RASSF3: variants seen among roughly 807,000 people sequenced by gnomAD.
The protein encoded by RASSF3 is Ras association domain family member 3, also known as ras association domain-containing protein 3.
In RASSF3, 19 loss-of-function variants were observed where a neutral mutation model predicts 19.9. The ratio of observed to expected loss-of-function variants is 0.96; its 90% CI spans 0.67 to 1.40. The LOEUF (loss-of-function observed/expected upper bound fraction) is 1.40. Ranked by LOEUF, RASSF3 falls within the 40% of genes most tolerant of loss-of-function variation. The pLI is 0.00. For synonymous variants in RASSF3, 110 were observed against 104.2 expected, an observed-to-expected ratio of 1.06 and a Z score of -0.34; for missense variants, 306 against 289.8, an observed-to-expected ratio of 1.06 and a Z score of -0.41.
At chr12:64,694,679 C>T in intron 4 of RASSF3, 84 bp from the exon 5 acceptor site, 1 of 1,472,394 alleles carries the variant, frequency 6.8e-7, no homozygotes, top group Non-Finnish European at 9.3e-7. Context: ...AGGGCAGCCG[C>T]ACCTCTGGGA....
intron 2 of RASSF3, among the ~76,000 whole-genome samples, chr12:64,591,687 AT>A (rs1383831998): frequency 6.6e-6 from 1 of 152,072 alleles, no homozygotes; most frequent in Non-Finnish European, 1.5e-5. Context: ...GTGCCTCTAA[AT>A]ATTCAGTAGG....
rs1236502961 is a variant in RASSF3 at position 64,522,490 on chromosome 12, C to G, written c.169+15161C>G. ...TCCTCCCTCCTCCTCCCACTCAGCC[C>G]AGCACGTTCACAAAAGACCACGAAT... On this transcript the variant is annotated intron_variant, in intron 1 of 5. Transcript: ENST00000637125. Among the ~76,000 whole-genome samples, 9 of 152,036 alleles carry G rather than the reference C, an allele frequency of 5.9e-5. No homozygotes were observed. The East Asian group carries it at 1.7e-3, about 29-fold the overall frequency.
intron 1 of RASSF3, among the ~76,000 whole-genome samples, chr12:64,520,799 C>G (rs150173370): frequency 1.2e-3 from 178 of 152,120 alleles, no homozygotes; most frequent in African/African-American, 4.0e-3. Context: ...GGTGTTGGTA[C>G]AGCCCCTGGG....
intron 2 of RASSF3, among the ~76,000 whole-genome samples, chr12:64,600,756 G>T (rs1870078542): frequency 6.6e-6 from 1 of 152,116 alleles, no homozygotes; most frequent in African/African-American, 2.4e-5. Flanking sequence ...TGTGGTTTTA[G>T]AATTTTTTAT....
chr12:64,668,804 T>C (rs1323501323), intron 1 of RASSF3, among the ~76,000 whole-genome samples: 1 of 151,550 alleles, frequency 6.6e-6, no homozygotes, highest in Non-Finnish European at 1.5e-5. Flanking sequence ...GCCTCAGCGT[T>C]GTGAGTAGCT....
At chr12:64,573,247 G>A (rs1241664865) in intron 2 of RASSF3, among the ~76,000 whole-genome samples, 1 of 148,360 alleles carries the variant, frequency 6.7e-6, no homozygotes, top group Non-Finnish European at 1.5e-5. Flanking sequence ...GGAGGTCAAG[G>A]CTGCAGTGAG....
intron 2 of RASSF3, among the ~76,000 whole-genome samples, chr12:64,583,558 G>T (rs1276679757): frequency 6.6e-6 from 1 of 152,180 alleles, no homozygotes; most frequent in Non-Finnish European, 1.5e-5. Context: ...GGAGGCAGAG[G>T]TTATAGTGAG....
chr12:64,620,049 T>C (rs1202035876), intron 1 of RASSF3, among the ~76,000 whole-genome samples: 1 of 151,058 alleles, frequency 6.6e-6, no homozygotes, highest in Non-Finnish European at 1.5e-5. Context: ...GTTTTCTGAA[T>C]TCATTTTTCA....
At chr12:64,565,440 C>A (rs574014314) in intron 2 of RASSF3, among the ~76,000 whole-genome samples, 3 of 150,530 alleles carry the variant, frequency 2.0e-5, no homozygotes, top group African/African-American at 7.3e-5. Flanking sequence ...AGGCCAGGTG[C>A]GGTGGCTCAT....
In RASSF3 at chr12:64,696,083, T is replaced by TTTCC; in HGVS notation, c.*1173_*1176dup. The TTTCC allele has an allele frequency of 3.2e-5, 1 of 30,848 alleles. No homozygotes were observed. The allele number at this position is 30,848 out of a possible 1,614,324, so 1.9% of individuals were successfully genotyped here. ...GCTGTCTCCCACCCTACCTTGTTCT[T>TTTCC]TTCCTCCCTCCCTCCCTCCCTCCCT... On this transcript the variant is annotated 3_prime_UTR_variant, in exon 5 of 5. Coordinates refer to ENST00000542104, the MANE Select transcript of RASSF3 (RefSeq NM_178169.4).
At chr12:64,545,763 C>T (rs1355178321), downstream of RASSF3, among the ~76,000 whole-genome samples, 3 of 151,952 alleles carry the variant, frequency 2.0e-5, no homozygotes, top group East Asian at 1.9e-4. Flanking sequence ...CTCATCTCTA[C>T]AAAAAAATTT....
At chr12:64,630,350 A>G (rs139709350) in intron 1 of RASSF3, among the ~76,000 whole-genome samples, 36 of 152,182 alleles carry the variant, frequency 2.4e-4, no homozygotes, top group Middle Eastern at 3.4e-3. Context: ...ACAGAGCGAG[A>G]CATTGTCTTT....
intron 1 of RASSF3, among the ~76,000 whole-genome samples, chr12:64,640,165 T>A (rs1355552434): frequency 6.6e-6 from 1 of 152,146 alleles, no homozygotes; most frequent in African/African-American, 2.4e-5. Flanking sequence ...CTTTATTGAG[T>A]ATAATTGATA....
upstream of RASSF3, among the ~76,000 whole-genome samples, chr12:64,605,840 A>G (rs1006894210): frequency 6.9e-6 from 1 of 144,004 alleles, no homozygotes; most frequent in African/African-American, 2.5e-5. Flanking sequence ...GTGAGCCGAG[A>G]TTGCACCATT....
chr12:64,541,802 G>C (rs193083649), downstream of RASSF3: 2 of 396,430 alleles, frequency 5.0e-6, no homozygotes, highest in East Asian at 7.2e-5. Flanking sequence ...GCTTACGTAT[G>C]TATCTTCAGA....
intron 1 of RASSF3, among the ~76,000 whole-genome samples, chr12:64,643,549 TAAAAA>T (rs55999011): frequency 2.7e-5 from 4 of 146,536 alleles, no homozygotes; most frequent in African/African-American, 1.0e-4. Flanking sequence ...CCCCGTCTCT[TAAAAA>T]AAAAATAAAA....
intron 1 of RASSF3, among the ~76,000 whole-genome samples, chr12:64,648,662 T>A (rs1045968123): frequency 6.6e-6 from 1 of 152,004 alleles, no homozygotes; most frequent in Non-Finnish European, 1.5e-5. Flanking sequence ...TTTGTATTTT[T>A]AGTAGAGACG....
In RASSF3 at chr12:64,688,371, C is replaced by T. The variant is rs770909387; in HGVS notation, c.375C>T (p.Ile125=). ...GCACAAACACTGTCGGGGAAGTGAT[C>T]GAGGCCCTGCTCAAAAAGTTTCTCG... ...ISSTNTVGEV[I]EALLKKFLVT... The change falls in exon 3 of 5, where the codon ATC becomes ATT. Residue 125 remains isoleucine (I), a synonymous_variant. Coordinates refer to ENST00000542104, the MANE Select transcript of RASSF3 (RefSeq NM_178169.4). 1.2e-5 allele frequency: 19 copies of T among 1,614,052 alleles called. No individual in the cohort carries two copies. The highest frequency in any genetic ancestry group is 1.4e-5 in the Non-Finnish European group (16 of 1,180,038).
chr12:64,692,339 T>C lies in RASSF3; in HGVS notation c.567+760T>C, dbSNP rs989667594. The stretch of plus-strand genomic sequence containing the variant: ...AACGGCTCTGTTTCCTACTGTTTGT[T>C]AGATTAGTAGCATGACCTTGGATAA... On this transcript the variant is annotated intron_variant, in intron 4 of 4. Transcript: ENST00000542104. Among the ~76,000 whole-genome samples the C allele has an allele frequency of 3.3e-5, 5 of 152,350 alleles. No homozygotes were observed. In the East Asian group the frequency reaches 9.7e-4, roughly 29 times the overall value.
Sources: allele counts gnomAD v4.1 joint callset (sites outside exome capture counted in the v4.1 genomes callset), GRCh38; gene constraint gnomAD v4.1.1; transcripts MANE v1.5; gene names NCBI Gene and HGNC (gene_info 2026-07-23, HGNC 2026-07-21).